DTHD1: variants seen among roughly 807,000 people sequenced by gnomAD.
DTHD1 encodes death domain-containing protein 1.
In DTHD1, 59 loss-of-function variants were observed where a neutral mutation model predicts 74.8. The ratio of observed to expected loss-of-function variants is 0.79; its 90% CI spans 0.64 to 0.98. The LOEUF is 0.98. DTHD1 is among the 50% of genes least tolerant of loss of function. The probability of loss-of-function intolerance (pLI) is 0.00; values close to 1 mark genes in which losing one functional copy is unlikely to be tolerated. For synonymous variants in DTHD1, 365 were observed against 371.1 expected (o/e 0.98, Z 0.19); for missense variants, 1,051 against 1,065.4 (o/e 0.99, Z 0.19).
chr4:36,284,677 G>A (rs1005385222), intron 2 of DTHD1, 86 bp downstream of exon 2: 2 of 1,040,912 alleles, frequency 1.9e-6, no homozygotes, highest in East Asian at 5.3e-5. Context: ...GTTCATTCAG[G>A]CTGCTACAAC....
intron 8 of DTHD1, among the ~76,000 whole-genome samples, chr4:36,319,426 G>A (rs1560808489): frequency 6.6e-6 from 1 of 152,194 alleles, no homozygotes; most frequent in Non-Finnish European, 1.5e-5. Context: ...ACAGGCTAAG[G>A]CATCGATGTG....
At chr4:36,312,340 C>T (rs1367949168) in intron 7 of DTHD1, among the ~76,000 whole-genome samples, 1 of 151,856 alleles carries the variant, frequency 6.6e-6, no homozygotes, top group Non-Finnish European at 1.5e-5. Context: ...ATCTCTACAT[C>T]TATCTCTACA....
At chr4:36,306,421 AT>A in intron 6 of DTHD1, 69 bp downstream of exon 6, 1 of 1,381,908 alleles carries the variant, frequency 7.2e-7, no homozygotes, top group East Asian at 2.6e-5. Flanking sequence ...GTTTATAGAA[AT>A]GGAATAGTAA....
At chr4:36,308,615 G>A (rs1213544121) in intron 7 of DTHD1, 122 bp downstream of exon 7, 1 of 787,216 alleles carries the variant, frequency 1.3e-6, no homozygotes, top group African/African-American at 1.7e-5. Flanking sequence ...ACTTTAGGAA[G>A]TAGGAAGAGA....
At chr4:36,327,141 GT>G (rs1471223787) in intron 8 of DTHD1, among the ~76,000 whole-genome samples, 3 of 151,770 alleles carry the variant, frequency 2.0e-5, no homozygotes, top group Admixed American at 2.0e-4. Context: ...TAATTTTTGT[GT>G]TTTTAGTAGA....
At chr4:36,326,363 T>G (rs371905614) in intron 8 of DTHD1, among the ~76,000 whole-genome samples, 50 of 150,512 alleles carry the variant, frequency 3.3e-4, no homozygotes, top group African/African-American at 1.2e-3. Context: ...ACCTACTAAA[T>G]TATTCCCTGC....
intron 6 of DTHD1, among the ~76,000 whole-genome samples, chr4:36,307,441 A>T (rs147413357): frequency 1.9e-4 from 29 of 152,280 alleles, no homozygotes; most frequent in African/African-American, 6.3e-4. Context: ...TTATGACATC[A>T]GTCATACTGG....
intron 9 of DTHD1, among the ~76,000 whole-genome samples, chr4:36,342,471 A>G (rs537828621): frequency 4.1e-4 from 62 of 152,220 alleles, no homozygotes; most frequent in African/African-American, 1.5e-3. Context: ...TGGAATGTGA[A>G]AGGAGAGAGA....
intron 7 of DTHD1, among the ~76,000 whole-genome samples, chr4:36,310,717 C>CT (rs1236402316): frequency 2.6e-5 from 4 of 152,160 alleles, no homozygotes; most frequent in Admixed American, 2.0e-4. Flanking sequence ...GCCCTCCCAG[C>CT]TTTTTTGATA....
chr4:36,326,956 G>C (rs1054351332), intron 8 of DTHD1, among the ~76,000 whole-genome samples: 35 of 137,726 alleles, frequency 2.5e-4, no homozygotes, highest in South Asian at 1.7e-3. Flanking sequence ...ACAAGGATTT[G>C]TTTTTCTTTT....
chr4:36,291,252 A>G (rs1756060129), intron 3 of DTHD1, among the ~76,000 whole-genome samples: 1 of 152,204 alleles, frequency 6.6e-6, no homozygotes, highest in Non-Finnish European at 1.5e-5. Context: ...TAGGTTTGAA[A>G]TACGGTTTTT....
Position 36,310,347 on chromosome 4 carries a change from C to T in DTHD1, c.2095+1854C>T, listed in dbSNP as rs565993964. Among the ~76,000 whole-genome samples the T allele has an allele frequency of 3.3e-5, 5 of 152,266 alleles. No individual in the cohort carries two copies. In the South Asian group the frequency reaches 6.2e-4, roughly 19 times the overall value. On this transcript the variant is annotated intron_variant, in intron 7 of 9. Coordinates refer to ENST00000639862, the MANE Select transcript of DTHD1 (RefSeq NM_001170700.3). ...GAAGAAAAAGAACAAGAAGAGAAAA[C>T]AGCTGTGTGGGAATAGAGAGGAAAC...
intron 8 of DTHD1, among the ~76,000 whole-genome samples, chr4:36,330,984 T>C (rs1020560292): frequency 6.6e-6 from 1 of 152,076 alleles, no homozygotes; most frequent in African/African-American, 2.4e-5. Flanking sequence ...TGAGCTCACA[T>C]TAAGCAAAAC....
Position 36,290,489 on chromosome 4 carries a change from T to C in DTHD1, c.1004T>C (p.Ile335Thr). The C allele has an allele frequency of 6.4e-7, 1 of 1,551,734 alleles. No individual in the cohort carries two copies. Among genetic ancestry groups the C allele is most frequent in the Non-Finnish European group, 8.7e-7 (1 of 1,146,976 alleles). ...ATAATAAATCACATGAGTTCTTTAATAGTGGGTGATAATGAAGAGTTAGTT... is the reference window on the plus strand; with the variant it reads ...ATAATAAATCACATGAGTTCTTTAACAGTGGGTGATAATGAAGAGTTAGTT... The part of the protein sequence containing the change: ...CRIINHMSSL[I>T]VGDNEELVSN... The change falls in exon 3 of 10, where the codon ATA becomes ACA. Residue 335 changes from isoleucine to threonine, a missense_variant. Ile to Thr is a moderately conservative substitution (Grantham distance 89). Transcript: ENST00000639862.
chr4:36,290,327 C>T (rs1755988255), intron 2 of DTHD1, 46 bp from the exon 3 acceptor site: 3 of 1,495,502 alleles, frequency 2.0e-6, no homozygotes, highest in Middle Eastern at 1.7e-4. Flanking sequence ...CTGTAAAGTA[C>T]ATAAATCAAA....
chr4:36,339,052 G>T, intron 8 of DTHD1, 60 bp from the exon 9 acceptor site: 1 of 1,376,814 alleles, frequency 7.3e-7, no homozygotes, highest in Non-Finnish European at 1.0e-6. Context: ...AATTTTCGTT[G>T]TAGCTTATTC....
At chr4:36,315,438 T>A (rs894981186) in intron 7 of DTHD1, 2 of 152,254 alleles carry the variant, frequency 1.3e-5, no homozygotes, top group Non-Finnish European at 2.9e-5. Flanking sequence ...TTCATTACGG[T>A]AGCCATTATG....
At chr4:36,331,175 A>G (rs927424405) in intron 8 of DTHD1, among the ~76,000 whole-genome samples, 19 of 152,290 alleles carry the variant, frequency 1.2e-4, no homozygotes, top group Admixed American at 9.8e-4. Flanking sequence ...ATAAGATTAT[A>G]ATAAAGTAAA....
intron 5 of DTHD1, among the ~76,000 whole-genome samples, chr4:36,299,779 G>A (rs1028068148): frequency 6.6e-6 from 1 of 152,110 alleles, no homozygotes; most frequent in Non-Finnish European, 1.5e-5. Flanking sequence ...CAAAAATAAC[G>A]CATACCTTAA....
Sources: gnomAD v4.1 joint callset for allele counts (sites outside exome capture counted in the v4.1 genomes callset) on GRCh38, gnomAD v4.1.1 for gene constraint, MANE v1.5 for transcripts, NCBI Gene and HGNC (gene_info 2026-07-23, HGNC 2026-07-21) for gene names.